TDRD12: variants seen among roughly 807,000 people sequenced by gnomAD.
TDRD12 encodes tudor domain containing 12, also known as putative ATP-dependent RNA helicase TDRD12.
In TDRD12, 158 loss-of-function variants were observed where a neutral mutation model predicts 133.5. That is an observed-to-expected ratio of 1.18 (90% CI 1.04 to 1.35). TDRD12 has a LOEUF of 1.35. Among genes scored for constraint, TDRD12 ranks in the 40% most tolerant of loss-of-function variants. The probability of loss-of-function intolerance (pLI) is 0.00; values close to 1 mark genes in which losing one functional copy is unlikely to be tolerated. For missense variants in TDRD12, 1,443 were observed against 1,321.3 expected (o/e 1.09, Z -1.43); for synonymous variants, 460 against 477.9 (o/e 0.96, Z 0.49).
downstream of TDRD12, chr19:32,826,252 C>A: frequency 6.8e-7 from 1 of 1,473,518 alleles, no homozygotes; most frequent in Non-Finnish European, 9.0e-7. Flanking sequence ...AGCTTCCACC[C>A]ACAAATAAAA....
intron 1 of TDRD12, among the ~76,000 whole-genome samples, chr19:32,730,877 T>C (rs756540423): frequency 3.3e-5 from 5 of 152,112 alleles, no homozygotes; most frequent in Non-Finnish European, 4.4e-5. Flanking sequence ...TAACTGAGCA[T>C]TGTGGCGCAC....
chr19:32,750,414 G>T (rs1376831306), intron 6 of TDRD12, among the ~76,000 whole-genome samples: 1 of 152,148 alleles, frequency 6.6e-6, no homozygotes, highest in Non-Finnish European at 1.5e-5. Context: ...CCCATGGAGG[G>T]TACCTTAACC....
At chr19:32,732,687 A>G (rs1221214410) in intron 2 of TDRD12, among the ~76,000 whole-genome samples, 2 of 152,206 alleles carry the variant, frequency 1.3e-5, no homozygotes, top group African/African-American at 4.8e-5. Flanking sequence ...TTGTAATGGT[A>G]TAATAGGAAA....
chr19:32,804,362 G>A (rs956468910), intron 21 of TDRD12, among the ~76,000 whole-genome samples: 1 of 150,624 alleles, frequency 6.6e-6, no homozygotes, highest in South Asian at 2.1e-4. Context: ...GTGAGCCACC[G>A]CGCCCAGCCT....
At position 32,790,413 on chromosome 19, in the gene TDRD12, C is replaced by T. The variant is rs943075678; in HGVS notation, c.1122-118C>T. 63 of 992,840 alleles carry T rather than the reference C, an allele frequency of 6.3e-5. No homozygotes were observed. The Admixed American group carries it at 1.5e-3, about 24-fold the overall frequency. 61.5% of individuals were successfully genotyped at this position (992,840 alleles called of 1,614,324 possible). On this transcript the variant is annotated intron_variant, in intron 11 of 27. Coordinates refer to ENST00000444215, the Ensembl canonical transcript of TDRD12. ...CAGAACAGAACAGGCAGCAGTTGTACAGCTGAGCCTTGGGCTGTGCAGCCC... is the reference window on the plus strand; with the variant it reads ...CAGAACAGAACAGGCAGCAGTTGTATAGCTGAGCCTTGGGCTGTGCAGCCC...
In TDRD12 at chr19:32,745,790, CTG is replaced by C. The variant is rs10692093; in HGVS notation, c.441-2663_441-2662del. On this transcript the variant is annotated intron_variant, in intron 4 of 27. Transcript: ENST00000444215. Reference sequence around the variant, plus strand: ...GAGAGAGAGACTGGCTGATGTCATTCTGTGTGTGTGTGTGTGTGTGTGTGAGA... The same window carrying C: ...GAGAGAGAGACTGGCTGATGTCATTCTGTGTGTGTGTGTGTGTGTGTGAGA... Among the ~76,000 whole-genome samples, 265 of 94,768 alleles carry C rather than the reference CTG, an allele frequency of 2.8e-3. 15 individuals carry two copies. Among genetic ancestry groups the C allele is most frequent in the East Asian group, 0.01 (30 of 2,872 alleles). 62.2% of individuals were successfully genotyped at this position (94,768 alleles called of 152,430 possible).
chr19:32,749,757 A>G (rs1303437576), intron 5 of TDRD12, 27 bp from the exon 6 acceptor site: 11 of 1,474,990 alleles, frequency 7.5e-6, no homozygotes, highest in Non-Finnish European at 6.5e-6. Flanking sequence ...ACATCAGCTG[A>G]TTTGTGTTTT....
chr19:32,740,761 G>A (rs1969400829), intron 3 of TDRD12, among the ~76,000 whole-genome samples: 1 of 152,188 alleles, frequency 6.6e-6, no homozygotes. Context: ...GGTGCACAGA[G>A]CAGAGCTTGT....
rs1173018432 is a variant in TDRD12, at chr19:32,811,192, T to C, written c.2838-18T>C. 2.6e-6 allele frequency: 4 copies of C among 1,522,736 alleles called. No homozygotes were observed. In the Admixed American group the frequency reaches 7.9e-5, roughly 30 times the overall value. 94.3% of individuals were successfully genotyped at this position (1,522,736 alleles called of 1,614,324 possible). ...TTCTGGAATCTCTGCGTTGAACCGATGCCCCATTGCTCTCCAGGGTTCAGG... is the reference window on the plus strand; with the variant it reads ...TTCTGGAATCTCTGCGTTGAACCGACGCCCCATTGCTCTCCAGGGTTCAGG... On this transcript the variant is annotated intron_variant, in intron 23 of 27. Transcript: ENST00000444215.
chr19:32,742,603 T>C (rs1168876866), intron 3 of TDRD12, among the ~76,000 whole-genome samples, 178 bp from the exon 4 acceptor site: 1 of 152,214 alleles, frequency 6.6e-6, no homozygotes, highest in African/African-American at 2.4e-5. Context: ...CAAGAAGCAG[T>C]TTTTCCCTCT....
At chr19:32,818,222 G>T in intron 27 of TDRD12, 65 bp downstream of exon 27, 1 of 667,816 alleles carries the variant, frequency 1.5e-6, no homozygotes, top group East Asian at 2.7e-5. Context: ...GTGTGAGGGG[G>T]ACAGTGCATG....
chr19:32,731,419 TAACA>T (rs1320190508), intron 1 of TDRD12, among the ~76,000 whole-genome samples: 2 of 152,030 alleles, frequency 1.3e-5, no homozygotes, highest in South Asian at 2.1e-4. Context: ...AAATTTTTTT[TAACA>T]AACAAAAGTA....
intron 2 of TDRD12, among the ~76,000 whole-genome samples, chr19:32,737,782 A>C (rs920216746): frequency 6.6e-6 from 1 of 152,230 alleles, no homozygotes; most frequent in African/African-American, 2.4e-5. Context: ...AATCCATGTC[A>C]TCAAGGAGCC....
At chr19:32,826,224 G>A (rs189163491), downstream of TDRD12, 292 of 1,488,400 alleles carry the variant, frequency 2.0e-4, no homozygotes, top group African/African-American at 3.5e-3. Flanking sequence ...CAATGAATGC[G>A]CAGGTCTTTC....
intron 8 of TDRD12, 74 bp downstream of exon 8, chr19:32,757,204 G>C: frequency 8.0e-7 from 1 of 1,248,818 alleles, no homozygotes; most frequent in Non-Finnish European, 1.1e-6. Flanking sequence ...AGATTAGAAA[G>C]GTTGTCTAGA....
chr19:32,800,501 T>A, intron 17 of TDRD12, 143 bp downstream of exon 17: 1 of 950,202 alleles, frequency 1.1e-6, no homozygotes, highest in Admixed American at 3.2e-5. Context: ...AAATTATGAA[T>A]GAAATACAAT....
At chr19:32,763,937 AT>A (rs1005514611) in intron 8 of TDRD12, among the ~76,000 whole-genome samples, 3 of 152,004 alleles carry the variant, frequency 2.0e-5, no homozygotes, top group Non-Finnish European at 2.9e-5. Context: ...AGAATTCCTG[AT>A]TTTTCAGTGT....
At chr19:32,813,396 C>T (rs1967070995) in intron 24 of TDRD12, among the ~76,000 whole-genome samples, 1 of 152,126 alleles carries the variant, frequency 6.6e-6, no homozygotes, top group Non-Finnish European at 1.5e-5. Flanking sequence ...GGGGTACGCA[C>T]GTCCACAGAA....
At chr19:32,807,679 T>C in intron 22 of TDRD12, 31 bp downstream of exon 22, 1 of 1,396,652 alleles carries the variant, frequency 7.2e-7, no homozygotes, top group Non-Finnish European at 9.7e-7. Flanking sequence ...TTGTGTCCTC[T>C]GACGAATGGT....
Sources: gnomAD v4.1 joint callset for allele counts (sites outside exome capture counted in the v4.1 genomes callset) on GRCh38, gnomAD v4.1.1 for gene constraint, MANE v1.5 for transcripts, NCBI Gene and HGNC (gene_info 2026-07-23, HGNC 2026-07-21) for gene names.